The following VSNL1 variants were observed in gnomAD, a reference collection of about 807,000 sequenced individuals.
VSNL1 encodes the protein visinin-like protein 1.
A neutral mutation model predicts 20.4 loss-of-function variants in VSNL1; 6 were observed. The ratio of observed to expected loss-of-function variants is 0.29; its 90% CI spans 0.16 to 0.58. The LOEUF is 0.58. VSNL1 is among the 20% of genes least tolerant of loss of function. VSNL1 has a pLI of 0.90. For synonymous variants in VSNL1, 93 were observed against 86.4 expected (o/e 1.08, Z -0.42); for missense variants, 100 against 234.5 (o/e 0.43, Z 3.75).
At chr2:17,599,152 T>C (rs533806937) in intron 2 of VSNL1, among the ~76,000 whole-genome samples, 1 of 152,240 alleles carries the variant, frequency 6.6e-6, no homozygotes, top group Admixed American at 6.5e-5. Context: ...CAGAAACCTA[T>C]AGTGAAGATA....
intron 1 of VSNL1, among the ~76,000 whole-genome samples, chr2:17,547,380 C>T (rs1293453128): frequency 6.6e-6 from 1 of 152,094 alleles, no homozygotes; most frequent in East Asian, 1.9e-4. Flanking sequence ...TCATAAACCA[C>T]TTTGGTCACT....
At chr2:17,646,710 T>C in intron 2 of VSNL1, among the ~76,000 whole-genome samples, 1 of 152,132 alleles carries the variant, frequency 6.6e-6, no homozygotes, top group African/African-American at 2.4e-5. Context: ...ATGTCAAAAT[T>C]TAATACAAGA....
chr2:17,649,760 C>A lies in VSNL1; in HGVS notation c.378+135C>A. ...GCTGCACACCACGCCTGGACTTCTC[C>A]TGCTTCTGTCCCCGCTGCAGCACAG... On this transcript the variant is annotated intron_variant, in intron 3 of 3. Transcript: ENST00000295156. The surrounding 1 kb of genome is among the most constrained non-coding windows in gnomAD (Gnocchi z 6.4). 2 of 828,908 alleles carry A rather than the reference C, an allele frequency of 2.4e-6. No homozygotes were observed. The highest frequency in any genetic ancestry group is 1.9e-6 in the Non-Finnish European group (1 of 526,422). The allele number at this position is 828,908 out of a possible 1,614,324, so 51.3% of individuals were successfully genotyped here.
In VSNL1 at chr2:17,647,524, A is replaced by G. The variant is rs375233580; in HGVS notation, c.163-1886A>G. Reference sequence around the variant, plus strand: ...AGGCACAGGAGGAGCAAACTTGCCTATTTAGAAGTTTTCAGATTCAACATT... The same window carrying G: ...AGGCACAGGAGGAGCAAACTTGCCTGTTTAGAAGTTTTCAGATTCAACATT... On this transcript the variant is annotated intron_variant, in intron 2 of 3. Transcript: ENST00000295156. Among the ~76,000 whole-genome samples, 7 of 152,300 alleles carry G rather than the reference A, an allele frequency of 4.6e-5. No homozygotes were observed. In the East Asian group the frequency reaches 9.6e-4, roughly 21 times the overall value.
chr2:17,573,670 A>C (rs1664131980), intron 1 of VSNL1, among the ~76,000 whole-genome samples: 1 of 152,180 alleles, frequency 6.6e-6, no homozygotes, highest in Non-Finnish European at 1.5e-5. Flanking sequence ...TGTATCCTCC[A>C]TTGCCTTATG....
chr2:17,599,501 C>T (rs533731315), intron 2 of VSNL1, among the ~76,000 whole-genome samples: 1 of 152,308 alleles, frequency 6.6e-6, no homozygotes, highest in East Asian at 1.9e-4. Context: ...GTCTTGGCAG[C>T]CTTGCTGAGA....
At chr2:17,622,584 G>GAAAGA (rs1553303344) in intron 2 of VSNL1, among the ~76,000 whole-genome samples, 1 of 127,918 alleles carries the variant, frequency 7.8e-6, no homozygotes, top group Non-Finnish European at 1.8e-5. Flanking sequence ...AAGAAAGAAA[G>GAAAGA]AAAGAAAGAA....
chr2:17,644,337 G>A, intron 2 of VSNL1, among the ~76,000 whole-genome samples: 1 of 152,346 alleles, frequency 6.6e-6, no homozygotes, highest in South Asian at 2.1e-4. Flanking sequence ...CCCAGGACAA[G>A]GAGTTAGAGG....
intron 2 of VSNL1, among the ~76,000 whole-genome samples, chr2:17,606,845 G>A (rs1443053815): frequency 2.0e-5 from 3 of 152,144 alleles, no homozygotes; most frequent in African/African-American, 7.2e-5. Flanking sequence ...CCCAATCCTG[G>A]TCAAAAGGGA....
chr2:17,578,815 G>A (rs762980736), intron 1 of VSNL1, among the ~76,000 whole-genome samples: 4 of 152,352 alleles, frequency 2.6e-5, no homozygotes, highest in East Asian at 1.9e-4. Flanking sequence ...AGCAAGGACA[G>A]CATAAGCCTA....
chr2:17,596,537 A>T lies in VSNL1; in HGVS notation c.162+4301A>T, dbSNP rs147734611. ...AAGTGTCTCCATCCCAGGGTCCTCT[A>T]CCTTGGAGAGTTGGTGCCATTGCTA... On this transcript the variant is annotated intron_variant, in intron 2 of 3. Coordinates refer to ENST00000295156, the MANE Select transcript of VSNL1 (RefSeq NM_003385.5). Among the ~76,000 whole-genome samples the T allele has an allele frequency of 2.7e-4, 41 of 152,158 alleles. No individual in the cohort carries two copies. In the East Asian group the frequency reaches 7.4e-3, roughly 27 times the overall value.
At chr2:17,590,212 A>G (rs1244960189) in intron 1 of VSNL1, among the ~76,000 whole-genome samples, 1 of 152,194 alleles carries the variant, frequency 6.6e-6, no homozygotes, top group East Asian at 1.9e-4. Context: ...TATTTTTCTT[A>G]GGTGAGATTC....
intron 2 of VSNL1, among the ~76,000 whole-genome samples, chr2:17,600,784 A>G (rs1324299831): frequency 1.3e-5 from 2 of 152,332 alleles, no homozygotes; most frequent in East Asian, 1.9e-4. Context: ...ATGTTTGCCA[A>G]TATGATTGAG....
At chr2:17,593,626 A>G (rs1259841837) in intron 2 of VSNL1, among the ~76,000 whole-genome samples, 3 of 152,212 alleles carry the variant, frequency 2.0e-5, no homozygotes, top group Non-Finnish European at 2.9e-5. Flanking sequence ...TTGCATCATT[A>G]AAAGCTCACT....
At chr2:17,558,674 A>G (rs1663742832) in intron 1 of VSNL1, among the ~76,000 whole-genome samples, 1 of 152,188 alleles carries the variant, frequency 6.6e-6, no homozygotes, top group African/African-American at 2.4e-5. Flanking sequence ...TGTAATAGTC[A>G]ATACACAGCT....
intron 1 of VSNL1, among the ~76,000 whole-genome samples, chr2:17,568,113 AT>A (rs1470701006): frequency 6.6e-6 from 1 of 152,022 alleles, no homozygotes; most frequent in African/African-American, 2.4e-5. Flanking sequence ...TGCTAGGCTT[AT>A]TTTTTGGCCT....
intron 2 of VSNL1, among the ~76,000 whole-genome samples, chr2:17,599,707 T>G (rs1274173472): frequency 1.3e-5 from 2 of 152,222 alleles, no homozygotes; most frequent in Non-Finnish European, 2.9e-5. Context: ...CCAAGGCCTA[T>G]GAAATCGATC....
At chr2:17,542,906 A>G (rs930509172) in intron 1 of VSNL1, among the ~76,000 whole-genome samples, 1 of 152,256 alleles carries the variant, frequency 6.6e-6, no homozygotes, top group African/African-American at 2.4e-5. Context: ...ACTGAGGCCC[A>G]GAACCATGGA....
intron 2 of VSNL1, among the ~76,000 whole-genome samples, chr2:17,612,876 A>G (rs1665122839): frequency 6.6e-6 from 1 of 152,146 alleles, no homozygotes; most frequent in Non-Finnish European, 1.5e-5. Flanking sequence ...TGTCTGAGTC[A>G]GGCCCAGGGC....
Sources: gnomAD v4.1 joint callset for allele counts (sites outside exome capture counted in the v4.1 genomes callset) on GRCh38, gnomAD v4.1.1 for gene constraint, Gnocchi (gnomAD v3.1) non-coding constraint, MANE v1.5 for transcripts, NCBI Gene and HGNC (gene_info 2026-07-23, HGNC 2026-07-21) for gene names.